The following NOTCH2NLC variants were observed in gnomAD, a reference collection of about 807,000 sequenced individuals.
NOTCH2NLC encodes the protein notch homolog 2 N-terminal-like protein C.
A neutral mutation model predicts 17.7 loss-of-function variants in NOTCH2NLC; 4 were observed. The observed-to-expected ratio is 0.23, with a 90% CI of 0.11 to 0.52. The LOEUF (loss-of-function observed/expected upper bound fraction) is 0.52, where lower values mean the gene tolerates loss of function less well. NOTCH2NLC is among the 20% of genes least tolerant of loss of function. NOTCH2NLC has a pLI of 0.96. For synonymous variants in NOTCH2NLC, 18 were observed against 86.0 expected (o/e 0.21, Z 4.38); for missense variants, 57 against 207.2 (o/e 0.28, Z 4.45).
intron 1 of NOTCH2NLC, among the ~76,000 whole-genome samples, chr1:149,401,125 A>T (rs2084243765): frequency 6.7e-6 from 1 of 149,104 alleles, no homozygotes; most frequent in Non-Finnish European, 1.5e-5. Context: ...TAAAGAATGT[A>T]GCAATAAAGA....
chr1:149,419,855 ATTTT>A (rs1166865199), intron 1 of NOTCH2NLC, among the ~76,000 whole-genome samples: 5 of 78,200 alleles, frequency 6.4e-5, no homozygotes, highest in African/African-American at 1.7e-4. Context: ...ATATATATAT[ATTTT>A]TTTTTTTTTT....
chr1:149,463,016 A>G lies in NOTCH2NLC; in HGVS notation c.470-475A>G, dbSNP rs1158310904. Among the ~76,000 whole-genome samples, 10 of 147,260 alleles carry G rather than the reference A, an allele frequency of 6.8e-5. No individual in the cohort carries two copies. The East Asian group carries it at 1.2e-3, about 18-fold the overall frequency. On this transcript the variant is annotated intron_variant, in intron 3 of 4. Transcript: ENST00000650865. ...ATGCCCAGCTAATTTTTGTATTTTT[A>G]GTAGAGACAGGGTTTCACCATATTG...
intron 2 of NOTCH2NLC, among the ~76,000 whole-genome samples, chr1:149,454,765 A>G (rs1209846660): frequency 2.0e-5 from 3 of 150,450 alleles, no homozygotes; most frequent in Non-Finnish European, 4.4e-5. Context: ...GTATCAGCCA[A>G]TTGATGTTTC....
intron 1 of NOTCH2NLC, among the ~76,000 whole-genome samples, chr1:149,419,226 C>T (rs1440157724): frequency 6.7e-6 from 1 of 149,510 alleles, no homozygotes; most frequent in African/African-American, 2.5e-5. Context: ...TCTTTTGATC[C>T]GAGATCTTCA....
intron 1 of NOTCH2NLC, among the ~76,000 whole-genome samples, chr1:149,398,899 T>C (rs1208340010): frequency 1.3e-5 from 2 of 152,150 alleles, no homozygotes; most frequent in African/African-American, 4.8e-5. Flanking sequence ...CATTGTTGCA[T>C]AACGACAGGT....
chr1:149,413,021 T>C (rs2084308328), intron 1 of NOTCH2NLC, among the ~76,000 whole-genome samples: 1 of 145,882 alleles, frequency 6.9e-6, no homozygotes, highest in South Asian at 2.2e-4. Context: ...TCTCCTGCCT[T>C]AGCCTCCCGA....
At chr1:149,443,431 CCAGT>C (rs1291979040) in intron 2 of NOTCH2NLC, among the ~76,000 whole-genome samples, 2 of 149,804 alleles carry the variant, frequency 1.3e-5, no homozygotes, top group Non-Finnish European at 3.0e-5. Context: ...CTTCTATATG[CCAGT>C]CATTGTGTTA....
chr1:149,424,460 ATTGT>A (rs1358711658), intron 1 of NOTCH2NLC, among the ~76,000 whole-genome samples: 17 of 150,664 alleles, frequency 1.1e-4, no homozygotes, highest in African/African-American at 3.6e-4. Context: ...GAGGACAGAG[ATTGT>A]TTGTTTTATT....
At chr1:149,391,073 C>CA (rs2084163623) in intron 1 of NOTCH2NLC, among the ~76,000 whole-genome samples, 151 bp downstream of exon 1, 1 of 79,064 alleles carries the variant, frequency 1.3e-5, no homozygotes, top group Non-Finnish European at 2.6e-5. Flanking sequence ...AGAGTTTGGA[C>CA]ATCGCCGGGG....
chr1:149,430,291 ACT>A lies in NOTCH2NLC; in HGVS notation c.136-644_136-643del, dbSNP rs1162722904. ...GCCTTCTCCTTTTATTTCTTTTGAT[ACT>A]CTCTCTGCAGTCTCTATTCATGATC... is the stretch of plus-strand genomic sequence containing the variant. On this transcript the variant is annotated intron_variant, in intron 1 of 4. Transcript: ENST00000650865. Among the ~76,000 whole-genome samples the A allele has an allele frequency of 5.3e-3, 700 of 131,410 alleles. 11 individuals are homozygous for A. The highest frequency in any genetic ancestry group is 0.019 in the African/African-American group (662 of 34,772). The allele number at this position is 131,410 out of a possible 152,430, so 86.2% of individuals were successfully genotyped here.
intron 1 of NOTCH2NLC, among the ~76,000 whole-genome samples, chr1:149,426,691 T>TG (rs2084414873): frequency 7.0e-6 from 1 of 143,232 alleles, no homozygotes; most frequent in African/African-American, 2.5e-5. Flanking sequence ...ACATGAAAAT[T>TG]GGGGTTAAAT....
At chr1:149,449,652 A>T (rs1156401280) in intron 2 of NOTCH2NLC, among the ~76,000 whole-genome samples, 2 of 151,362 alleles carry the variant, frequency 1.3e-5, no homozygotes, top group Non-Finnish European at 3.0e-5. Flanking sequence ...TAATTTATGT[A>T]TCATAAAATT....
At chr1:149,424,615 T>A (rs1258108051) in intron 1 of NOTCH2NLC, among the ~76,000 whole-genome samples, 3 of 150,796 alleles carry the variant, frequency 2.0e-5, no homozygotes, top group Admixed American at 1.3e-4. Flanking sequence ...CTTCTCCTTA[T>A]GCCTTCAGTG....
intron 2 of NOTCH2NLC, among the ~76,000 whole-genome samples, chr1:149,441,429 TTGA>T (rs1184089007): frequency 8.6e-4 from 1 of 1,160 alleles, no homozygotes. Context: ...TGGAAAACAT[TTGA>T]TGGTGGTTAA....
rs1485541621 is a variant in NOTCH2NLC at position 149,464,923 on chromosome 1, T to A, written c.*770T>A. 6.8e-6 allele frequency: 1 copy of A among 148,048 alleles called. No individual in the cohort carries two copies. The highest frequency in any genetic ancestry group is 6.8e-5 in the Admixed American group (1 of 14,778). The allele number at this position is 148,048 out of a possible 1,614,324, so 9.2% of individuals were successfully genotyped here. Reference sequence around the variant, plus strand: ...GATTGTGTGTTTTATTTTGGAGGAATTAAAGGTCATAGTTTGGTCCTCAGT... The same window carrying A: ...GATTGTGTGTTTTATTTTGGAGGAAATAAAGGTCATAGTTTGGTCCTCAGT... On this transcript the variant is annotated 3_prime_UTR_variant, in exon 5 of 5. Coordinates refer to ENST00000650865, the MANE Select transcript of NOTCH2NLC (RefSeq NM_001364013.2).
At chr1:149,462,881 G>T (rs1372735538) in intron 3 of NOTCH2NLC, among the ~76,000 whole-genome samples, 6 of 141,990 alleles carry the variant, frequency 4.2e-5, no homozygotes, top group Non-Finnish European at 9.3e-5. Flanking sequence ...TGTTGCCCAG[G>T]CTGGAGTGCA....
intron 1 of NOTCH2NLC, among the ~76,000 whole-genome samples, chr1:149,406,900 A>C (rs1191595946): frequency 6.6e-6 from 1 of 151,410 alleles, no homozygotes; most frequent in Non-Finnish European, 1.5e-5. Context: ...GTTTCTTTTA[A>C]TGACTCCCTT....
At chr1:149,393,754 T>C (rs2084190438) in intron 1 of NOTCH2NLC, among the ~76,000 whole-genome samples, 1 of 133,994 alleles carries the variant, frequency 7.5e-6, no homozygotes, top group African/African-American at 2.8e-5. Context: ...ATTCCTTTTT[T>C]TTTTGGTGTG....
chr1:149,398,387 G>A (rs1452256524), intron 1 of NOTCH2NLC, among the ~76,000 whole-genome samples: 2 of 150,026 alleles, frequency 1.3e-5, no homozygotes, highest in African/African-American at 4.9e-5. Flanking sequence ...CCTGAACTAG[G>A]ACAAGTTATG....
Sources: allele counts gnomAD v4.1 joint callset (sites outside exome capture counted in the v4.1 genomes callset), GRCh38; gene constraint gnomAD v4.1.1; transcripts MANE v1.5; gene names NCBI Gene and HGNC (gene_info 2026-07-23, HGNC 2026-07-21).